The following CLSTN2 variants were observed in gnomAD, a reference collection of about 807,000 sequenced individuals.
CLSTN2 encodes calsyntenin-2.
In CLSTN2, 48 loss-of-function variants were observed where a neutral mutation model predicts 101.2. That is an observed-to-expected ratio of 0.47 (90% CI 0.38 to 0.60). CLSTN2 has a LOEUF of 0.60. CLSTN2 is among the 20% of genes least tolerant of loss of function. The pLI is 0.00. For missense variants in CLSTN2, 1,160 were observed against 1,238.2 expected, an observed-to-expected ratio of 0.94 and a Z score of 0.95; for synonymous variants, 481 against 463.6, an observed-to-expected ratio of 1.04 and a Z score of -0.48.
At chr3:140,054,746 A>G (rs7643229) in intron 1 of CLSTN2, among the ~76,000 whole-genome samples, 9,532 of 152,308 alleles carry the variant, frequency 0.063, 946 homozygotes, top group African/African-American at 0.21. Flanking sequence ...GAGGAGGTCA[A>G]CCAGAGTCTG....
intron 1 of CLSTN2, among the ~76,000 whole-genome samples, chr3:140,072,140 G>T (rs2008408492): frequency 6.6e-6 from 1 of 152,038 alleles, no homozygotes; most frequent in South Asian, 2.1e-4. Flanking sequence ...CTATAGGTAT[G>T]CTCAAACACA....
At chr3:140,136,319 T>A (rs571324992) in intron 1 of CLSTN2, among the ~76,000 whole-genome samples, 54 of 152,318 alleles carry the variant, frequency 3.5e-4, no homozygotes, top group Middle Eastern at 6.8e-3. Context: ...CACCTCTTAA[T>A]AGCTGTGTCC....
intron 1 of CLSTN2, among the ~76,000 whole-genome samples, chr3:140,126,974 C>CA (rs112892216): frequency 9.5e-4 from 141 of 147,840 alleles, no homozygotes; most frequent in African/African-American, 3.1e-3. Flanking sequence ...ATATTGACTT[C>CA]AAAAAAAAAG....
At chr3:140,436,653 G>T (rs534500707) in intron 5 of CLSTN2, among the ~76,000 whole-genome samples, 87 of 152,354 alleles carry the variant, frequency 5.7e-4, no homozygotes, top group African/African-American at 1.7e-3. Flanking sequence ...CACATGAGCA[G>T]CAGGCATGGA....
chr3:140,435,676 A>T (rs1414981080), intron 5 of CLSTN2, among the ~76,000 whole-genome samples: 2 of 152,200 alleles, frequency 1.3e-5, no homozygotes, highest in African/African-American at 4.8e-5. Flanking sequence ...ATTAATTTAC[A>T]TTCCCACCAA....
chr3:140,139,431 G>T (rs6804603), intron 1 of CLSTN2, among the ~76,000 whole-genome samples: 1 of 152,182 alleles, frequency 6.6e-6, no homozygotes, highest in Non-Finnish European at 1.5e-5. Flanking sequence ...AGGGTCCACC[G>T]CATTGCAGGT....
At chr3:140,027,426 A>T (rs1411353276) in intron 1 of CLSTN2, among the ~76,000 whole-genome samples, 3 of 152,186 alleles carry the variant, frequency 2.0e-5, no homozygotes, top group African/African-American at 7.2e-5. Flanking sequence ...GCCAAGCTCC[A>T]CCAGAAGCTA....
At chr3:140,523,495 T>C (rs1375053352) in intron 8 of CLSTN2, among the ~76,000 whole-genome samples, 2 of 152,164 alleles carry the variant, frequency 1.3e-5, no homozygotes, top group African/African-American at 2.4e-5. Flanking sequence ...GTTAATGTTA[T>C]ATTATATCCA....
intron 1 of CLSTN2, among the ~76,000 whole-genome samples, chr3:140,015,712 C>T (rs1002931204): frequency 1.3e-5 from 2 of 152,232 alleles, no homozygotes. Context: ...GGCTCAGAAG[C>T]AAGACTGTGG....
intron 2 of CLSTN2, among the ~76,000 whole-genome samples, chr3:140,237,306 T>C (rs931782802): frequency 1.3e-5 from 2 of 152,192 alleles, no homozygotes; most frequent in Admixed American, 1.3e-4. Flanking sequence ...ATTACAAGGC[T>C]TTCCCTCACT....
intron 1 of CLSTN2, among the ~76,000 whole-genome samples, chr3:140,127,910 C>T (rs2009462032): frequency 6.6e-6 from 1 of 152,160 alleles, no homozygotes; most frequent in African/African-American, 2.4e-5. Context: ...CAATACCACA[C>T]TGACTTGTAA....
chr3:140,137,355 C>CAGCTTTCCAACCT (rs71149068), intron 1 of CLSTN2, among the ~76,000 whole-genome samples: 1 of 152,092 alleles, frequency 6.6e-6, no homozygotes, highest in East Asian at 1.9e-4. Flanking sequence ...CTTGCCAACC[C>CAGCTTTCCAACCT]GCATCATTCT....
At chr3:140,372,932 A>C (rs2087874717) in intron 2 of CLSTN2, among the ~76,000 whole-genome samples, 1 of 152,202 alleles carries the variant, frequency 6.6e-6, no homozygotes, top group African/African-American at 2.4e-5. Flanking sequence ...AGCCAGGCAT[A>C]ATGGCATGTG....
intron 2 of CLSTN2, among the ~76,000 whole-genome samples, chr3:140,221,723 T>G (rs977279041): frequency 3.3e-5 from 5 of 152,168 alleles, no homozygotes; most frequent in African/African-American, 1.2e-4. Context: ...TAAACAGGTA[T>G]GTGAAAAGGT....
At chr3:140,344,286 A>T (rs1290600181) in intron 2 of CLSTN2, among the ~76,000 whole-genome samples, 10 of 152,166 alleles carry the variant, frequency 6.6e-5, no homozygotes, top group Admixed American at 5.2e-4. Context: ...CCAAGACATG[A>T]TGCTGTCATG....
At chr3:140,299,936 G>C (rs1209334878) in intron 2 of CLSTN2, among the ~76,000 whole-genome samples, 1 of 152,146 alleles carries the variant, frequency 6.6e-6, no homozygotes, top group Non-Finnish European at 1.5e-5. Flanking sequence ...TTATTGAATG[G>C]TTGGGAGAAT....
chr3:140,361,203 C>T (rs1488790842), intron 2 of CLSTN2, among the ~76,000 whole-genome samples: 3 of 152,106 alleles, frequency 2.0e-5, no homozygotes, highest in South Asian at 2.1e-4. Flanking sequence ...GGTTAACATC[C>T]GATAATCAAT....
intron 2 of CLSTN2, among the ~76,000 whole-genome samples, chr3:140,375,456 C>T (rs2087906228): frequency 6.6e-6 from 1 of 152,202 alleles, no homozygotes; most frequent in Non-Finnish European, 1.5e-5. Context: ...GGGACCCAGC[C>T]TTAAGCACAT....
At chr3:140,315,849 C>T (rs542203264) in intron 2 of CLSTN2, among the ~76,000 whole-genome samples, 3 of 152,292 alleles carry the variant, frequency 2.0e-5, no homozygotes, top group South Asian at 2.1e-4. Flanking sequence ...CTTAGCATGG[C>T]ACAGTGTCAG....
Sources: gnomAD v4.1 joint callset for allele counts (sites outside exome capture counted in the v4.1 genomes callset) on GRCh38, gnomAD v4.1.1 for gene constraint, MANE v1.5 for transcripts, NCBI Gene and HGNC (gene_info 2026-07-23, HGNC 2026-07-21) for gene names.